The following ATP9B variants were observed in gnomAD, a reference collection of about 807,000 sequenced individuals.
ATP9B encodes probable phospholipid-transporting ATPase IIB.
ATP9B carries 110 observed loss-of-function variants against 146.1 expected under a neutral mutation model. The ratio of observed to expected loss-of-function variants is 0.75; its 90% CI spans 0.65 to 0.88. The LOEUF is 0.88. ATP9B is among the 40% of genes least tolerant of loss of function. The pLI, the probability that ATP9B is intolerant of heterozygous loss-of-function variation, is 0.00. For synonymous variants in ATP9B, 604 were observed against 569.7 expected (o/e 1.06, Z -0.86); for missense variants, 1,499 against 1,496.4 (o/e 1.00, Z -0.03).
intron 25 of ATP9B, among the ~76,000 whole-genome samples, chr18:79,354,758 G>C (rs943851427): frequency 1.3e-5 from 2 of 152,074 alleles, no homozygotes; most frequent in Non-Finnish European, 2.9e-5. Context: ...GGAGCTCCCC[G>C]GGTTTTCCAG....
chr18:79,242,722 A>G (rs556902814), intron 11 of ATP9B, among the ~76,000 whole-genome samples: 1 of 152,322 alleles, frequency 6.6e-6, no homozygotes, highest in South Asian at 2.1e-4. Context: ...AATCTGAGCA[A>G]CTTTTTACAC....
chr18:79,218,233 G>A (rs571369910), intron 11 of ATP9B, among the ~76,000 whole-genome samples: 1 of 150,396 alleles, frequency 6.6e-6, no homozygotes, highest in Non-Finnish European at 1.5e-5. Flanking sequence ...TTCCATGTCC[G>A]GCACAGGCTG....
At chr18:79,255,827 G>A (rs945136791) in intron 12 of ATP9B, among the ~76,000 whole-genome samples, 9 of 152,196 alleles carry the variant, frequency 5.9e-5, no homozygotes, top group Non-Finnish European at 1.2e-4. Context: ...TTTTTCTCCT[G>A]TGGAGCAAAT....
chr18:79,147,670 G>C (rs1489161404), intron 6 of ATP9B, among the ~76,000 whole-genome samples: 1 of 152,038 alleles, frequency 6.6e-6, no homozygotes, highest in Non-Finnish European at 1.5e-5. Flanking sequence ...ATGCGTGTAA[G>C]GGCACTGCTG....
At chr18:79,279,016 A>G (rs1211946825) in intron 13 of ATP9B, among the ~76,000 whole-genome samples, 3 of 152,196 alleles carry the variant, frequency 2.0e-5, no homozygotes, top group Non-Finnish European at 4.4e-5. Context: ...TGGGTGGGAG[A>G]AACGTCCTGC....
chr18:79,326,737 C>G (rs866902180), intron 15 of ATP9B, among the ~76,000 whole-genome samples: 1 of 152,192 alleles, frequency 6.6e-6, no homozygotes, highest in Non-Finnish European at 1.5e-5. Flanking sequence ...TGTGGTCAGA[C>G]GTGTGGGGAA....
At chr18:79,232,921 A>G (rs1315590008) in intron 11 of ATP9B, among the ~76,000 whole-genome samples, 1 of 152,236 alleles carries the variant, frequency 6.6e-6, no homozygotes, top group Non-Finnish European at 1.5e-5. Flanking sequence ...AAAAGTTCCC[A>G]AACTAAGAAG....
chr18:79,096,755 T>C, intron 2 of ATP9B, 106 bp downstream of exon 2: 1 of 902,654 alleles, frequency 1.1e-6, no homozygotes. Context: ...CAAGGAGATA[T>C]TCCTTAAATG....
intron 2 of ATP9B, among the ~76,000 whole-genome samples, chr18:79,106,521 C>T (rs1348736101): frequency 6.6e-6 from 1 of 152,182 alleles, no homozygotes; most frequent in Non-Finnish European, 1.5e-5. Context: ...GGTGCACCTG[C>T]AGGCCTTTCA....
chr18:79,218,175 A>T (rs1287386548), intron 11 of ATP9B, among the ~76,000 whole-genome samples: 1 of 146,990 alleles, frequency 6.8e-6, no homozygotes, highest in East Asian at 2.1e-4. Context: ...CATGTTCTGT[A>T]TCTGGCACAG....
At chr18:79,168,449 G>A (rs1160856890) in intron 7 of ATP9B, among the ~76,000 whole-genome samples, 2 of 151,362 alleles carry the variant, frequency 1.3e-5, no homozygotes, top group African/African-American at 4.9e-5. Context: ...TTGAAGTGCT[G>A]AGGTGGAGGG....
rs931926803 is a variant in ATP9B, at chr18:79,352,417, G to C, written c.2903+4221G>C. The C allele has an allele frequency of 2.6e-5, 4 of 152,314 alleles. No individual in the cohort carries two copies. In the East Asian group the frequency reaches 7.7e-4, roughly 29 times the overall value. The allele number at this position is 152,314 out of a possible 1,614,324, so 9.4% of individuals were successfully genotyped here. ...ATCAGAGAGGGTCTTGAGAACTTCT[G>C]CTTCCAGCCGTGATAAACAGATTTA... On this transcript the variant is annotated intron_variant, in intron 25 of 29. Transcript: ENST00000426216.
In ATP9B at chr18:79,151,234, A is replaced by G. The variant is rs7240770; in HGVS notation, c.727-3270A>G. On this transcript the variant is annotated intron_variant, in intron 6 of 29. Coordinates refer to ENST00000426216, the MANE Select transcript of ATP9B (RefSeq NM_198531.5). ...GTAATCAGCATTTACAGGAACTAGC[A>G]TTACATTGAGAATCCAGAAATAAAC... 5.8e-3 allele frequency among the ~76,000 whole-genome samples: 889 copies of G among 152,358 alleles called. 5 individuals carry two copies. The highest frequency in any genetic ancestry group is 0.021 in the African/African-American group (859 of 41,578).
chr18:79,249,400 A>G (rs972412882), intron 11 of ATP9B, among the ~76,000 whole-genome samples: 1 of 152,182 alleles, frequency 6.6e-6, no homozygotes, highest in African/African-American at 2.4e-5. Flanking sequence ...GTTGTTTCAA[A>G]TAAATATTAT....
In ATP9B at chr18:79,217,655, C is replaced by T. The variant is rs192802501; in HGVS notation, c.1107+3617C>T. On this transcript the variant is annotated intron_variant, in intron 11 of 29. Transcript: ENST00000426216. ...CATGTAATTTATCCAGGGGAAGCCT[C>T]GGTATTGATACATGTTGAATGGAAG... Among the ~76,000 whole-genome samples the T allele has an allele frequency of 3.2e-4, 49 of 152,236 alleles. 1 individual carries two copies. Among genetic ancestry groups the T allele is most frequent in the Middle Eastern group, 6.8e-3 (2 of 294 alleles).
chr18:79,301,920 C>T (rs1292243742), intron 13 of ATP9B, among the ~76,000 whole-genome samples: 2 of 152,170 alleles, frequency 1.3e-5, no homozygotes. Context: ...AAAGTAAGCG[C>T]TGTGTCCTGA....
intron 6 of ATP9B, among the ~76,000 whole-genome samples, chr18:79,150,065 G>A (rs2094660396): frequency 6.7e-6 from 1 of 150,032 alleles, no homozygotes; most frequent in Admixed American, 6.6e-5. Context: ...TGGTGACAGA[G>A]CAAGACTGTA....
intron 1 of ATP9B, among the ~76,000 whole-genome samples, chr18:79,078,573 T>C (rs2072886718): frequency 6.6e-6 from 1 of 152,192 alleles, no homozygotes; most frequent in Non-Finnish European, 1.5e-5. Flanking sequence ...CTCTTTTTTA[T>C]TTTAAAATTG....
At chr18:79,102,106 C>T (rs1013955474) in intron 2 of ATP9B, among the ~76,000 whole-genome samples, 10 of 151,990 alleles carry the variant, frequency 6.6e-5, no homozygotes, top group African/African-American at 2.2e-4. Context: ...CCATCATGCC[C>T]GGCTAAGTTT....
Sources: allele counts gnomAD v4.1 joint callset (sites outside exome capture counted in the v4.1 genomes callset), GRCh38; gene constraint gnomAD v4.1.1; transcripts MANE v1.5; gene names NCBI Gene and HGNC (gene_info 2026-07-23, HGNC 2026-07-21).